The following PCDHGA4 variants were observed in gnomAD, a reference collection of about 807,000 sequenced individuals.
The protein encoded by PCDHGA4 is protocadherin gamma subfamily A, 4.
In PCDHGA4, 38 loss-of-function variants were observed where a neutral mutation model predicts 54.6. The ratio of observed to expected loss-of-function variants is 0.70; its 90% CI spans 0.54 to 0.91. PCDHGA4 has a LOEUF of 0.91. Ranked by LOEUF, PCDHGA4 falls within the 40% of genes least tolerant of loss-of-function variation. The pLI is 0.00. For missense variants in PCDHGA4, 1,298 were observed against 1,220.9 expected, an observed-to-expected ratio of 1.06 and a Z score of -0.94; for synonymous variants, 511 against 512.9, an observed-to-expected ratio of 1.00 and a Z score of 0.05.
chr5:141,413,248 GGGATTCCATGGGA>G (rs1349440144), intron 1 of PCDHGA4: 4 of 1,613,844 alleles, frequency 2.5e-6, no homozygotes, highest in Non-Finnish European at 2.5e-6. Context: ...CCTTTTCTTC[GGGATTCCATGGGA>G]GGCTGGAGCC....
At chr5:141,364,103 C>CT (rs1452729364) in intron 1 of PCDHGA4, 1 of 411,008 alleles carries the variant, frequency 2.4e-6, no homozygotes, top group African/African-American at 2.1e-5. Flanking sequence ...GATGCAGTCA[C>CT]TGGTTAGGAC....
chr5:141,454,088 T>C (rs2154564493), intron 1 of PCDHGA4, among the ~76,000 whole-genome samples: 1 of 152,342 alleles, frequency 6.6e-6, no homozygotes. Context: ...CAGTGAAATT[T>C]GAATTGAACA....
At chr5:141,459,910 A>G (rs2098977946) in intron 1 of PCDHGA4, among the ~76,000 whole-genome samples, 2 of 152,042 alleles carry the variant, frequency 1.3e-5, no homozygotes, top group Non-Finnish European at 1.5e-5. Context: ...GAGCTATGGG[A>G]GTTTTAAAAT....
chr5:141,358,034 C>G (rs1045447610), intron 1 of PCDHGA4, among the ~76,000 whole-genome samples: 1 of 152,074 alleles, frequency 6.6e-6, no homozygotes, highest in African/African-American at 2.4e-5. Flanking sequence ...TACTAAAATA[C>G]AAAAAGTTAG....
chr5:141,371,170 C>T lies in PCDHGA4; in HGVS notation c.2514+13549C>T, dbSNP rs1228264781. 7 of 1,613,892 alleles carry T rather than the reference C, an allele frequency of 4.3e-6. No homozygotes were observed. The Admixed American group carries it at 1.0e-4, about 23-fold the overall frequency. On this transcript the variant is annotated intron_variant, in intron 1 of 3. Coordinates refer to ENST00000571252, the MANE Select transcript of PCDHGA4 (RefSeq NM_018917.4). Reference sequence around the variant, plus strand: ...GTTGCAGAGAACCTGCCCGCTGGCTCCTCCGTATTAAAAGTGATGGCCATT... The same window carrying T: ...GTTGCAGAGAACCTGCCCGCTGGCTTCTCCGTATTAAAAGTGATGGCCATT...
At chr5:141,494,064 G>T (rs1233070772) in intron 1 of PCDHGA4, among the ~76,000 whole-genome samples, 2 of 152,160 alleles carry the variant, frequency 1.3e-5, no homozygotes, top group South Asian at 2.1e-4. Flanking sequence ...TGTGGGAGCT[G>T]GATCCCTCCC....
In PCDHGA4 at chr5:141,433,198, A is replaced by G. The variant is rs373769649; in HGVS notation, c.2515-61609A>G. 11 of 1,581,706 alleles carry G rather than the reference A, an allele frequency of 7.0e-6. No individual in the cohort carries two copies. The African/African-American group carries it at 1.1e-4, about 16-fold the overall frequency. On this transcript the variant is annotated intron_variant, in intron 1 of 3. Coordinates refer to ENST00000571252, the MANE Select transcript of PCDHGA4 (RefSeq NM_018917.4). ...GGTTAATTGAGGTGAGTTTATATCA[A>G]ATCTTCTTTCTTTTTTTTTTTTAAT...
chr5:141,384,321 G>A (rs6883770), intron 1 of PCDHGA4: 89,474 of 1,613,740 alleles, frequency 0.055, 2,962 homozygotes, highest in African/African-American at 0.14. Flanking sequence ...TTTTCTTAGT[G>A]ACTGCACAGG....
intron 1 of PCDHGA4, among the ~76,000 whole-genome samples, chr5:141,460,912 G>GTGTATA (rs145509489): frequency 0.032 from 4,842 of 149,286 alleles, 90 homozygotes; most frequent in Middle Eastern, 0.083. Flanking sequence ...ATTCCATGGT[G>GTGTATA]TATATATATA....
chr5:141,414,463 G>T, intron 1 of PCDHGA4: 1 of 1,613,932 alleles, frequency 6.2e-7, no homozygotes. Flanking sequence ...GACAGCCACA[G>T]ATGGGGGAAG....
In PCDHGA4 at chr5:141,486,709, C is replaced by G. The variant is rs1485764871; in HGVS notation, c.2515-8098C>G. ...CTTCCTCTTTCATCTCTCTGAACCC[C>G]CAGACAGGAGCTGTTCATGCTACTC... On this transcript the variant is annotated intron_variant, in intron 1 of 3. Coordinates refer to ENST00000571252, the MANE Select transcript of PCDHGA4 (RefSeq NM_018917.4). The surrounding 1 kb of genome is among the most constrained non-coding windows in gnomAD (Gnocchi z 5.0). 1 of 1,614,182 alleles carries G rather than the reference C, an allele frequency of 6.2e-7. No individual in the cohort carries two copies. Among genetic ancestry groups the G allele is most frequent in the Middle Eastern group, 1.6e-4 (1 of 6,062 alleles).
chr5:141,394,120 C>G, intron 1 of PCDHGA4: 3 of 1,613,954 alleles, frequency 1.9e-6, no homozygotes, highest in Non-Finnish European at 1.7e-6. Context: ...TCCACTGAAA[C>G]TCAAATCGCT....
intron 1 of PCDHGA4, chr5:141,417,664 C>T: frequency 1.1e-6 from 1 of 911,118 alleles, no homozygotes; most frequent in Non-Finnish European, 1.6e-6. Context: ...CTGGGATTCC[C>T]TGCGCAGCCA....
At chr5:141,499,557 C>G (rs972965979) in intron 2 of PCDHGA4, among the ~76,000 whole-genome samples, 1 of 152,192 alleles carries the variant, frequency 6.6e-6, no homozygotes, top group African/African-American at 2.4e-5. Context: ...TATGATACCA[C>G]TATCCAGCTT....
intron 1 of PCDHGA4, among the ~76,000 whole-genome samples, chr5:141,464,240 G>A (rs1396190870): frequency 1.3e-5 from 2 of 150,444 alleles, no homozygotes; most frequent in Non-Finnish European, 2.9e-5. Context: ...ACTCCAGCCT[G>A]GGCTACAGAG....
At chr5:141,503,743 G>C (rs1465272424) in intron 2 of PCDHGA4, among the ~76,000 whole-genome samples, 1 of 152,126 alleles carries the variant, frequency 6.6e-6, no homozygotes, top group Non-Finnish European at 1.5e-5. Context: ...TGATGGTATA[G>C]AGGTCACACA....
Position 141,490,709 on chromosome 5 carries a change from C to T in PCDHGA4, c.2515-4098C>T. ...GACACTGGGGATAATGCCCGCCTCA[C>T]CTACTCCATTGTAGGAAATCAGGTT... On this transcript the variant is annotated intron_variant, in intron 1 of 3. Transcript: ENST00000571252. This position sits in a 1 kb window ranked among gnomAD's most constrained non-coding sequence, Gnocchi z 5.4. The T allele has an allele frequency of 1.9e-6, 3 of 1,614,218 alleles. No homozygotes were observed. Among genetic ancestry groups the T allele is most frequent in the Non-Finnish European group, 2.5e-6 (3 of 1,180,038 alleles).
rs374131113 is a variant in PCDHGA4 at position 141,366,708 on chromosome 5, T to C, written c.2514+9087T>C. ...TGTGAGAAAAGCGAGCCTCTTCTGATGTCTGATAAGGTAGATGCAAACAAA... is the reference window on the plus strand; with the variant it reads ...TGTGAGAAAAGCGAGCCTCTTCTGACGTCTGATAAGGTAGATGCAAACAAA... On this transcript the variant is annotated intron_variant, in intron 1 of 3. Coordinates refer to ENST00000571252, the MANE Select transcript of PCDHGA4 (RefSeq NM_018917.4). 3.3e-5 allele frequency: 54 copies of C among 1,614,238 alleles called. No homozygotes were observed. In the African/African-American group the frequency reaches 5.9e-4, roughly 18 times the overall value.
Position 141,491,414 on chromosome 5 carries a change from G to A in PCDHGA4, c.2515-3393G>A. On this transcript the variant is annotated intron_variant, in intron 1 of 3. Coordinates refer to ENST00000571252, the MANE Select transcript of PCDHGA4 (RefSeq NM_018917.4). The surrounding 1 kb of genome is among the most constrained non-coding windows in gnomAD (Gnocchi z 6.9). ...CTTCAGGGAAACGCAGACGGGGACGGGGGTGGAGGGCAGTGCTGCAGGCGC... is the reference window on the plus strand; with the variant it reads ...CTTCAGGGAAACGCAGACGGGGACGAGGGTGGAGGGCAGTGCTGCAGGCGC... 2 of 1,614,126 alleles carry A rather than the reference G, an allele frequency of 1.2e-6. No individual in the cohort carries two copies. Among genetic ancestry groups the A allele is most frequent in the Non-Finnish European group, 1.7e-6 (2 of 1,180,022 alleles).
Sources: gnomAD v4.1 joint callset for allele counts (sites outside exome capture counted in the v4.1 genomes callset) on GRCh38, gnomAD v4.1.1 for gene constraint, Gnocchi (gnomAD v3.1) non-coding constraint, MANE v1.5 for transcripts, NCBI Gene and HGNC (gene_info 2026-07-23, HGNC 2026-07-21) for gene names.